The following RBFOX1 variants were observed in gnomAD, a reference collection of about 807,000 sequenced individuals.
RBFOX1 encodes the protein RNA binding protein fox-1 homolog 1.
A neutral mutation model predicts 57.7 loss-of-function variants in RBFOX1; 8 were observed. The observed-to-expected ratio is 0.14, with a 90% confidence interval of 0.08 to 0.25. The LOEUF (loss-of-function observed/expected upper bound fraction) is 0.25, where lower values mean the gene tolerates loss of function less well. RBFOX1 is among the 10% of genes least tolerant of loss of function. The pLI, the probability that RBFOX1 is intolerant of heterozygous loss-of-function variation, is 1.00. For synonymous variants in RBFOX1, 326 were observed against 222.4 expected, an observed-to-expected ratio of 1.47 and a Z score of -4.15; for missense variants, 611 against 548.5, an observed-to-expected ratio of 1.11 and a Z score of -1.14.
At chr16:7,477,049 C>G (rs560334946) in intron 4 of RBFOX1, among the ~76,000 whole-genome samples, 1 of 152,264 alleles carries the variant, frequency 6.6e-6, no homozygotes, top group South Asian at 2.1e-4. Flanking sequence ...CCGTGGGTAA[C>G]ATGTTCCTTA....
intron 1 of RBFOX1, among the ~76,000 whole-genome samples, chr16:5,427,561 G>A (rs2067599184): frequency 6.6e-6 from 1 of 151,826 alleles, no homozygotes; most frequent in African/African-American, 2.4e-5. Flanking sequence ...CTCCAGCCTG[G>A]GCAACAGAGT....
At chr16:6,376,162 T>C (rs541103949) in intron 2 of RBFOX1, among the ~76,000 whole-genome samples, 24 of 152,286 alleles carry the variant, frequency 1.6e-4, no homozygotes, top group African/African-American at 5.3e-4. Flanking sequence ...ATATCTGTGA[T>C]TCTTTGACTG....
At chr16:7,315,455 T>C (rs921318119) in intron 4 of RBFOX1, among the ~76,000 whole-genome samples, 5 of 114,018 alleles carry the variant, frequency 4.4e-5, no homozygotes, top group Middle Eastern at 5.5e-3. Flanking sequence ...TACTCTACCC[T>C]ACCCCCCCCC....
chr16:6,677,207 A>T (rs1032851165), intron 3 of RBFOX1, among the ~76,000 whole-genome samples: 53 of 152,200 alleles, frequency 3.5e-4, no homozygotes, highest in African/African-American at 1.3e-3. Context: ...AAGTGGCAGG[A>T]CTACAACTAG....
At chr16:7,085,004 C>T (rs1443442994) in intron 4 of RBFOX1, among the ~76,000 whole-genome samples, 2 of 152,090 alleles carry the variant, frequency 1.3e-5, no homozygotes, top group Non-Finnish European at 2.9e-5. Flanking sequence ...CCATGCATCC[C>T]ACTAATATGT....
chr16:5,833,144 CA>C (rs2056337938), intron 3 of RBFOX1, among the ~76,000 whole-genome samples: 1 of 152,108 alleles, frequency 6.6e-6, no homozygotes, highest in Non-Finnish European at 1.5e-5. Flanking sequence ...AGTCTCACTG[CA>C]AAAGGAAAGT....
intron 1 of RBFOX1, among the ~76,000 whole-genome samples, chr16:6,180,569 T>C (rs1232443977): frequency 6.6e-6 from 1 of 151,976 alleles, no homozygotes; most frequent in Middle Eastern, 3.2e-3. Flanking sequence ...TTGTCATTCT[T>C]CTTTTTTCTT....
intron 5 of RBFOX1, among the ~76,000 whole-genome samples, chr16:7,559,464 A>T (rs577334331): frequency 1.4e-4 from 22 of 152,248 alleles, no homozygotes; most frequent in African/African-American, 5.3e-4. Context: ...CTCCAACCCC[A>T]ACCCCATCTG....
chr16:7,357,288 G>A (rs753540134), intron 4 of RBFOX1, among the ~76,000 whole-genome samples: 8 of 151,792 alleles, frequency 5.3e-5, no homozygotes, highest in Middle Eastern at 3.2e-3. Flanking sequence ...GGGTAAGAAG[G>A]TTCTTGGTTA....
chr16:6,536,532 A>G (rs993504060), intron 2 of RBFOX1, among the ~76,000 whole-genome samples: 6 of 150,166 alleles, frequency 4.0e-5, no homozygotes, highest in African/African-American at 1.5e-4. Context: ...GCTCTGTCAC[A>G]AAAGGACGAT....
At chr16:6,613,003 ATGTGTGTGTGTGTGTGTGTGTGTG>A (rs57236292) in intron 2 of RBFOX1, among the ~76,000 whole-genome samples, 1 of 143,160 alleles carries the variant, frequency 7.0e-6, no homozygotes, top group African/African-American at 2.6e-5. Flanking sequence ...CAGTCCCAGC[ATGTGTGTGTGTGTGTGTGTGTGTG>A]TGTGTGTGTG....
At chr16:6,193,383 A>ATACACAT (rs2097156239) in intron 1 of RBFOX1, among the ~76,000 whole-genome samples, 2 of 61,794 alleles carry the variant, frequency 3.2e-5, no homozygotes, top group African/African-American at 1.1e-4. Flanking sequence ...TATACATTAT[A>ATACACAT]TATATATACT....
intron 1 of RBFOX1, among the ~76,000 whole-genome samples, chr16:6,056,556 G>A (rs993795642): frequency 6.6e-6 from 1 of 152,114 alleles, no homozygotes; most frequent in Non-Finnish European, 1.5e-5. Context: ...TAATTGCCTG[G>A]CCTCATTCCT....
At chr16:7,234,643 T>C (rs1351857976) in intron 4 of RBFOX1, among the ~76,000 whole-genome samples, 1 of 147,922 alleles carries the variant, frequency 6.8e-6, no homozygotes, top group Non-Finnish European at 1.5e-5. Flanking sequence ...TGTATATGTG[T>C]GTGTTTGTGT....
intron 4 of RBFOX1, among the ~76,000 whole-genome samples, chr16:7,320,787 T>C (rs2096531445): frequency 6.6e-6 from 1 of 152,234 alleles, no homozygotes; most frequent in South Asian, 2.1e-4. Flanking sequence ...CCAAAGAATA[T>C]TTTAAGTATG....
intron 3 of RBFOX1, among the ~76,000 whole-genome samples, chr16:6,842,987 C>T (rs1322242313): frequency 6.6e-6 from 1 of 152,112 alleles, no homozygotes; most frequent in Non-Finnish European, 1.5e-5. Context: ...CATGTCCTTG[C>T]AAAGGATATG....
At chr16:6,242,575 ACT>A (rs2097545346) in intron 1 of RBFOX1, among the ~76,000 whole-genome samples, 1 of 142,990 alleles carries the variant, frequency 7.0e-6, no homozygotes, top group Non-Finnish European at 1.5e-5. Context: ...CACTTATGCA[ACT>A]CTCTGCTTGT....
chr16:5,242,900 G>A (rs2062202490), intron 1 of RBFOX1, among the ~76,000 whole-genome samples: 1 of 150,782 alleles, frequency 6.6e-6, no homozygotes, highest in African/African-American at 2.4e-5. Flanking sequence ...GTGGCTAGAG[G>A]ATGTTTTAGC....
chr16:6,535,315 C>A (rs1028599300), intron 2 of RBFOX1, among the ~76,000 whole-genome samples: 1 of 152,154 alleles, frequency 6.6e-6, no homozygotes, highest in Non-Finnish European at 1.5e-5. Flanking sequence ...AAAAAGTGAA[C>A]CCAGAGATTT....
Sources: gnomAD v4.1 joint callset for allele counts (sites outside exome capture counted in the v4.1 genomes callset) on GRCh38, gnomAD v4.1.1 for gene constraint, MANE v1.5 for transcripts, NCBI Gene and HGNC (gene_info 2026-07-23, HGNC 2026-07-21) for gene names.